SCAPER: variants seen among roughly 807,000 people sequenced by gnomAD.
The protein encoded by SCAPER is S phase cyclin A-associated protein in the endoplasmic reticulum.
Under a neutral mutation model 182.2 loss-of-function variants are expected in SCAPER, and 98 were observed. The observed-to-expected ratio is 0.54, with a 90% CI of 0.46 to 0.64. The LOEUF (loss-of-function observed/expected upper bound fraction) is 0.64. SCAPER is among the 30% of genes least tolerant of loss of function. SCAPER has a pLI of 0.00. For synonymous variants in SCAPER, 605 were observed against 564.6 expected, an observed-to-expected ratio of 1.07 and a Z score of -1.01; for missense variants, 1,432 against 1,690.0, an observed-to-expected ratio of 0.85 and a Z score of 2.68.
intron 4 of SCAPER, among the ~76,000 whole-genome samples, chr15:76,849,449 C>G (rs2070481600): frequency 6.6e-6 from 1 of 152,180 alleles, no homozygotes; most frequent in African/African-American, 2.4e-5. Context: ...GAACCCCCAG[C>G]TTGGGCCCAC....
intron 20 of SCAPER, among the ~76,000 whole-genome samples, chr15:76,695,300 T>C (rs1011572401): frequency 7.2e-5 from 11 of 152,146 alleles, no homozygotes; most frequent in Non-Finnish European, 1.3e-4. Flanking sequence ...CTTTCCTTTA[T>C]AAAAATTATT....
chr15:76,636,393 A>G (rs999916719), intron 21 of SCAPER, among the ~76,000 whole-genome samples: 1 of 151,664 alleles, frequency 6.6e-6, no homozygotes, highest in Non-Finnish European at 1.5e-5. Context: ...TGGTTAGTCT[A>G]CTGTTGACCC....
chr15:76,705,638 A>G (rs1427756358), intron 18 of SCAPER, among the ~76,000 whole-genome samples: 1 of 152,126 alleles, frequency 6.6e-6, no homozygotes, highest in Non-Finnish European at 1.5e-5. Flanking sequence ...CTGTGTAAGA[A>G]AAAATATTAA....
At chr15:76,400,484 C>A (rs1054973305) in intron 27 of SCAPER, among the ~76,000 whole-genome samples, 6 of 152,014 alleles carry the variant, frequency 3.9e-5, no homozygotes, top group Non-Finnish European at 8.8e-5. Context: ...AAGAAATAAG[C>A]AGGAGAAAAC....
intron 22 of SCAPER, among the ~76,000 whole-genome samples, chr15:76,607,421 C>G (rs2050530426): frequency 6.6e-6 from 1 of 152,200 alleles, no homozygotes; most frequent in Non-Finnish European, 1.5e-5. Flanking sequence ...TGTGGGTAAC[C>G]TGACCTTTGT....
intron 4 of SCAPER, among the ~76,000 whole-genome samples, chr15:76,854,742 G>A (rs1470230866): frequency 6.7e-6 from 1 of 150,348 alleles, no homozygotes; most frequent in Non-Finnish European, 1.5e-5. Flanking sequence ...GGTGGATCAT[G>A]AGGTCAGAAG....
chr15:76,552,655 A>T (rs2045876961), intron 23 of SCAPER, among the ~76,000 whole-genome samples: 1 of 152,160 alleles, frequency 6.6e-6, no homozygotes, highest in Non-Finnish European at 1.5e-5. Flanking sequence ...ACAGAAAAGT[A>T]GCAGAGCAGG....
chr15:76,420,758 T>C (rs2045974768), intron 26 of SCAPER, among the ~76,000 whole-genome samples: 2 of 152,318 alleles, frequency 1.3e-5, no homozygotes, highest in African/African-American at 4.8e-5. Context: ...CTCCTAATGC[T>C]ATCCCTCCAC....
At chr15:76,506,524 G>A (rs964473698) in intron 23 of SCAPER, among the ~76,000 whole-genome samples, 1 of 151,990 alleles carries the variant, frequency 6.6e-6, no homozygotes, top group Non-Finnish European at 1.5e-5. Flanking sequence ...GAATAATGGG[G>A]GAATCAACTA....
intron 5 of SCAPER, among the ~76,000 whole-genome samples, chr15:76,836,334 T>C (rs1286290959): frequency 6.6e-6 from 1 of 152,150 alleles, no homozygotes; most frequent in East Asian, 1.9e-4. Flanking sequence ...TACAAGGCCA[T>C]AGTAACCAAA....
intron 22 of SCAPER, among the ~76,000 whole-genome samples, chr15:76,610,890 A>G (rs1040367886): frequency 6.6e-6 from 1 of 152,228 alleles, no homozygotes; most frequent in African/African-American, 2.4e-5. Flanking sequence ...AAATTCCAAA[A>G]GCATTTCTAC....
chr15:76,745,391 G>C (rs2061742556), intron 15 of SCAPER, among the ~76,000 whole-genome samples: 1 of 152,208 alleles, frequency 6.6e-6, no homozygotes, highest in Non-Finnish European at 1.5e-5. Flanking sequence ...AGCTGTGTCA[G>C]TGAGCTGAGA....
At chr15:76,464,324 CAT>C (rs2049425890) in intron 25 of SCAPER, among the ~76,000 whole-genome samples, 1 of 152,114 alleles carries the variant, frequency 6.6e-6, no homozygotes, top group African/African-American at 2.4e-5. Flanking sequence ...TACATTATAG[CAT>C]ATGACAGAAT....
intron 21 of SCAPER, among the ~76,000 whole-genome samples, chr15:76,627,431 G>C (rs1396719514): frequency 6.6e-6 from 1 of 151,828 alleles, no homozygotes; most frequent in Non-Finnish European, 1.5e-5. Context: ...TTTTCCTAAT[G>C]CTCTCCCACC....
intron 25 of SCAPER, among the ~76,000 whole-genome samples, chr15:76,456,705 C>T (rs1216327069): frequency 6.6e-6 from 1 of 152,116 alleles, no homozygotes; most frequent in East Asian, 1.9e-4. Context: ...TTAAAATATC[C>T]ATCTCTGAGA....
intron 26 of SCAPER, among the ~76,000 whole-genome samples, chr15:76,425,435 CAT>C (rs1178794366): frequency 6.6e-6 from 1 of 152,226 alleles, no homozygotes; most frequent in Non-Finnish European, 1.5e-5. Context: ...GCATGTGTCA[CAT>C]AGTTCTCGTG....
chr15:76,891,366 G>C (rs2074154888), intron 1 of SCAPER, among the ~76,000 whole-genome samples: 1 of 152,202 alleles, frequency 6.6e-6, no homozygotes, highest in Admixed American at 6.5e-5. Context: ...ATTAGGAAGA[G>C]AGGAAGTCAA....
In SCAPER at chr15:76,376,560, A is replaced by G. The variant is rs142889093; in HGVS notation, c.3706-249T>C. ...CCTGTACCACGTGGATCAAGACATT[A>G]TCTACCTAAAGCACAGTTATTTATT... On this transcript the variant is annotated intron_variant, in intron 28 of 31. Transcript: ENST00000563290. Among the ~76,000 whole-genome samples, 520 of 152,372 alleles carry G rather than the reference A, an allele frequency of 3.4e-3. 2 individuals are homozygous for G. Among genetic ancestry groups the G allele is most frequent in the Non-Finnish European group, 5.0e-3 (339 of 68,036 alleles).
Position 76,599,002 on chromosome 15 carries a change from A to G in SCAPER, c.2711+22762T>C, listed in dbSNP as rs1210389274. On this transcript the variant is annotated intron_variant, in intron 22 of 31. Transcript: ENST00000563290. ...GTAATAAAATGAATATGTATTAAGCATAAGGTTACCTGCTAGATTTTAAAA... is the reference window on the plus strand; with the variant it reads ...GTAATAAAATGAATATGTATTAAGCGTAAGGTTACCTGCTAGATTTTAAAA... 3.3e-5 allele frequency among the ~76,000 whole-genome samples: 4 copies of G among 120,852 alleles called. 2 individuals are homozygous for G. Among genetic ancestry groups the G allele is most frequent in the Non-Finnish European group, 8.0e-5 (4 of 49,918 alleles). 79.3% of individuals were successfully genotyped at this position (120,852 alleles called of 152,430 possible). A position where few individuals can be genotyped will look rare whatever the true frequency, so the allele number is the denominator to read the frequency against.
Sources: allele counts gnomAD v4.1 joint callset (sites outside exome capture counted in the v4.1 genomes callset), GRCh38; gene constraint gnomAD v4.1.1; transcripts MANE v1.5; gene names NCBI Gene and HGNC (gene_info 2026-07-23, HGNC 2026-07-21).